CMTM1: variants seen among roughly 807,000 people sequenced by gnomAD.
CMTM1 encodes the protein CKLF like MARVEL transmembrane domain containing 1.
In CMTM1, 16 loss-of-function variants were observed where a neutral mutation model predicts 17.8. The ratio of observed to expected loss-of-function variants is 0.90; its 90% confidence interval spans 0.61 to 1.37. The LOEUF (loss-of-function observed/expected upper bound fraction) is 1.37. Among genes scored for constraint, CMTM1 ranks in the 40% most tolerant of loss-of-function variants. CMTM1 has a pLI of 0.00. For synonymous variants in CMTM1, 169 were observed against 154.6 expected (o/e 1.09, Z -0.69); for missense variants, 354 against 375.6 (o/e 0.94, Z 0.47).
chr16:66,573,683 C>CTTTTTTTTTTTTTTTTT (rs954623005), intron 2 of CMTM1, among the ~76,000 whole-genome samples: 4 of 117,650 alleles, frequency 3.4e-5, no homozygotes, highest in East Asian at 2.5e-4. Context: ...TAACGTTTTT[C>CTTTTTTTTTTTTTTTTT]TTTTTTTTTT....
Position 66,579,132 on chromosome 16 carries a change from A to G in CMTM1, c.*131A>G. 1 of 1,225,220 alleles carries G rather than the reference A, an allele frequency of 8.2e-7. No individual in the cohort carries two copies. Among genetic ancestry groups the G allele is most frequent in the South Asian group, 1.5e-5 (1 of 64,864 alleles). The allele number at this position is 1,225,220 out of a possible 1,614,324, so 75.9% of individuals were successfully genotyped here. On this transcript the variant is annotated 3_prime_UTR_variant, in exon 4 of 4. Coordinates refer to ENST00000379500, the MANE Select transcript of CMTM1 (RefSeq NM_052999.4). The surrounding 1 kb of genome is among the most constrained non-coding windows in gnomAD (Gnocchi z 6.5). ...AAAATTAGGGCTGCTGCTTTTATCG[A>G]GAACACCTGCTTCCTCTCGTTGCCT...
chr16:66,578,298 G>A (rs8045431), intron 3 of CMTM1, among the ~76,000 whole-genome samples: 1,622 of 152,190 alleles, frequency 0.011, 27 homozygotes, highest in African/African-American at 0.036. Context: ...CATGAACACT[G>A]CAAGCAGGTT....
chr16:66,568,756 C>T (rs932410387), intron 1 of CMTM1, among the ~76,000 whole-genome samples: 7 of 151,846 alleles, frequency 4.6e-5, no homozygotes, highest in African/African-American at 7.3e-5. Context: ...CTTAGTGACA[C>T]GCGCCTGTAG....
chr16:66,578,606 A>C (rs1031063226), intron 3 of CMTM1, among the ~76,000 whole-genome samples: 2 of 152,166 alleles, frequency 1.3e-5, no homozygotes, highest in African/African-American at 4.8e-5. Context: ...AAGCGAGGCT[A>C]CTACTGGCAA....
chr16:66,570,972 G>C (rs1226490552), intron 2 of CMTM1, among the ~76,000 whole-genome samples: 2 of 152,200 alleles, frequency 1.3e-5, no homozygotes, highest in Non-Finnish European at 2.9e-5. Flanking sequence ...CTTGCGCTGT[G>C]AACAATCCTA....
chr16:66,573,677 G>GTT (rs2013846918), intron 2 of CMTM1, among the ~76,000 whole-genome samples: 1 of 140,388 alleles, frequency 7.1e-6, no homozygotes, highest in African/African-American at 2.6e-5. Context: ...CATGTTTAAC[G>GTT]TTTTTCTTTT....
Position 66,579,135 on chromosome 16 carries a change from A to T in CMTM1, c.*134A>T. 1 of 1,195,150 alleles carries T rather than the reference A, an allele frequency of 8.4e-7. No homozygotes were observed. The highest frequency in any genetic ancestry group is 1.1e-6 in the Non-Finnish European group (1 of 882,770). The allele number at this position is 1,195,150 out of a possible 1,614,324, so 74.0% of individuals were successfully genotyped here. A position where few individuals can be genotyped will look rare whatever the true frequency, so the allele number is the denominator to read the frequency against. ...ATTAGGGCTGCTGCTTTTATCGAGA[A>T]CACCTGCTTCCTCTCGTTGCCTTGT... is the stretch of plus-strand genomic sequence containing the variant. On this transcript the variant is annotated 3_prime_UTR_variant, in exon 4 of 4. Transcript: ENST00000379500. The surrounding 1 kb of genome is among the most constrained non-coding windows in gnomAD (Gnocchi z 6.5).
Position 66,579,072 on chromosome 16 carries a change from C to A in CMTM1, c.*71C>A. The A allele has an allele frequency of 6.4e-7, 1 of 1,558,302 alleles. No homozygotes were observed. Among genetic ancestry groups the A allele is most frequent in the South Asian group, 1.2e-5 (1 of 85,182 alleles). On this transcript the variant is annotated 3_prime_UTR_variant, in exon 4 of 4. Coordinates refer to ENST00000379500, the MANE Select transcript of CMTM1 (RefSeq NM_052999.4). This position sits in a 1 kb window ranked among gnomAD's most constrained non-coding sequence, Gnocchi z 6.5. ...GCCTCCGAGCCCACCCCCGAGCTCG[C>A]ATGCTGTCACCCATTCCAGCCTAAA...
At chr16:66,577,301 C>A in intron 3 of CMTM1, 99 bp downstream of exon 3, 1 of 793,136 alleles carries the variant, frequency 1.3e-6, no homozygotes, top group Non-Finnish European at 2.1e-6. Flanking sequence ...AAGCAAAATC[C>A]CCACTGCCAC....
chr16:66,568,798 A>AT (rs1405423063), intron 1 of CMTM1, among the ~76,000 whole-genome samples: 1 of 151,598 alleles, frequency 6.6e-6, no homozygotes, highest in Non-Finnish European at 1.5e-5. Flanking sequence ...CGGCAGGAGA[A>AT]TTGTTCGAAC....
At chr16:66,568,491 C>A (rs1359481145) in intron 1 of CMTM1, among the ~76,000 whole-genome samples, 1 of 152,010 alleles carries the variant, frequency 6.6e-6, no homozygotes, top group Admixed American at 6.6e-5. Flanking sequence ...AATTAAATAT[C>A]AGAAGTATTA....
At chr16:66,567,677 C>T (rs1331921243) in intron 1 of CMTM1, among the ~76,000 whole-genome samples, 1 of 151,914 alleles carries the variant, frequency 6.6e-6, no homozygotes, top group African/African-American at 2.4e-5. Flanking sequence ...CAAGAGCTGT[C>T]GTTTGAAAGT....
chr16:66,578,651 G>C (rs1163871234), intron 3 of CMTM1, among the ~76,000 whole-genome samples, 180 bp from the exon 4 acceptor site: 5 of 152,124 alleles, frequency 3.3e-5, no homozygotes, highest in African/African-American at 1.2e-4. Flanking sequence ...CTTTTTCTGG[G>C]AAAGGCAGAA....
At position 66,578,854 on chromosome 16, in the gene CMTM1, C is replaced by G. The variant is rs2014595348; in HGVS notation, c.714C>G (p.Ile238Met). Reference sequence around the variant, plus strand: ...AGTCCCTGTGTCTCACAGCGGTAATCGTGTGTTGCATCGATGCGTTTGTGG... The same window carrying G: ...AGTCCCTGTGTCTCACAGCGGTAATGGTGTGTTGCATCGATGCGTTTGTGG... The part of the protein sequence containing the change: ...VGGSLCLTAV[I>M]VCCIDAFVVT... The change falls in exon 4 of 4, where the codon ATC (isoleucine) becomes ATG (methionine). Residue 238 changes from isoleucine (I) to methionine (M), a missense_variant. Ile to Met is a conservative substitution (Grantham distance 10). Transcript: ENST00000379500. 6.2e-7 allele frequency: 1 copy of G among 1,614,150 alleles called. No homozygotes were observed. Among genetic ancestry groups the G allele is most frequent in the Non-Finnish European group, 8.5e-7 (1 of 1,180,020 alleles).
intron 2 of CMTM1, among the ~76,000 whole-genome samples, 163 bp downstream of exon 2, chr16:66,570,257 C>T (rs1042951801): frequency 6.6e-6 from 1 of 152,170 alleles, no homozygotes; most frequent in Non-Finnish European, 1.5e-5. Context: ...TCCTTGAACC[C>T]TTGTGCCTGC....
intron 1 of CMTM1, 187 bp downstream of exon 1, chr16:66,567,132 C>T (rs1406399391): frequency 3.0e-6 from 2 of 671,266 alleles, no homozygotes; most frequent in Admixed American, 2.7e-5. Context: ...ACTAAACTTG[C>T]CTCTTTTTTT....
intron 2 of CMTM1, among the ~76,000 whole-genome samples, chr16:66,573,777 C>T (rs371006658): frequency 6.7e-6 from 1 of 150,288 alleles, no homozygotes; most frequent in Non-Finnish European, 1.5e-5. Context: ...AGCTCCACCT[C>T]CCAGGTTCAA....
At chr16:66,572,263 A>C (rs2013658617) in intron 2 of CMTM1, among the ~76,000 whole-genome samples, 2 of 152,218 alleles carry the variant, frequency 1.3e-5, no homozygotes, top group South Asian at 4.1e-4. Context: ...GCAACCACAC[A>C]GTTGGTCAGA....
chr16:66,577,265 T>TCTCAGC, intron 3 of CMTM1, 63 bp downstream of exon 3: 2 of 1,384,956 alleles, frequency 1.4e-6, no homozygotes, highest in Non-Finnish European at 2.0e-6. Flanking sequence ...AAAGGGAAAT[T>TCTCAGC]GGCAGACCCC....
Sources: gnomAD v4.1 joint callset for allele counts (sites outside exome capture counted in the v4.1 genomes callset) on GRCh38, gnomAD v4.1.1 for gene constraint, Gnocchi (gnomAD v3.1) non-coding constraint, MANE v1.5 for transcripts, NCBI Gene and HGNC (gene_info 2026-07-23, HGNC 2026-07-21) for gene names.